Variants in CCNY observed in about 807,000 individuals in gnomAD.
CCNY encodes the protein cyclin-Y.
Under a neutral mutation model 42.8 loss-of-function variants are expected in CCNY, and 19 were observed. The ratio of observed to expected loss-of-function variants is 0.44; its 90% CI spans 0.31 to 0.65. The LOEUF (loss-of-function observed/expected upper bound fraction) is 0.65, where lower values mean the gene tolerates loss of function less well. Among genes scored for constraint, CCNY ranks in the 30% least tolerant of loss-of-function variants. The probability of loss-of-function intolerance (pLI) is 0.07; values close to 1 mark genes in which losing one functional copy is unlikely to be tolerated. For synonymous variants in CCNY, 165 were observed against 162.7 expected (o/e 1.01, Z -0.11); for missense variants, 370 against 437.3 (o/e 0.85, Z 1.37).
At chr10:35,423,383 G>A (rs369683497) in intron 1 of CCNY, among the ~76,000 whole-genome samples, 4 of 151,816 alleles carry the variant, frequency 2.6e-5, no homozygotes, top group South Asian at 4.2e-4. Context: ...GCTGAGGTCC[G>A]CGGATTACCT....
intron 1 of CCNY, among the ~76,000 whole-genome samples, chr10:35,410,375 G>T (rs1023441134): frequency 7.9e-5 from 12 of 152,104 alleles, no homozygotes; most frequent in Admixed American, 2.6e-4. Context: ...GATAAGGAGA[G>T]AAATTTCTAA....
chr10:35,533,982 C>T (rs139967548), intron 7 of CCNY, among the ~76,000 whole-genome samples: 1 of 152,100 alleles, frequency 6.6e-6, no homozygotes, highest in African/African-American at 2.4e-5. Context: ...TCCCCTGCCC[C>T]AGTAGTTTTA....
At chr10:35,369,107 A>C (rs1836873878) in intron 1 of CCNY, among the ~76,000 whole-genome samples, 2 of 152,206 alleles carry the variant, frequency 1.3e-5, no homozygotes, top group African/African-American at 4.8e-5. Context: ...CAAACATTCA[A>C]AAAGCAGTCT....
chr10:35,422,531 G>A (rs1323465805), intron 1 of CCNY, among the ~76,000 whole-genome samples: 1 of 152,164 alleles, frequency 6.6e-6, no homozygotes, highest in African/African-American at 2.4e-5. Context: ...ACACATAAAG[G>A]CAATCAGAAA....
intron 3 of CCNY, among the ~76,000 whole-genome samples, chr10:35,330,988 G>A (rs1344581802): frequency 1.3e-5 from 2 of 152,168 alleles, no homozygotes; most frequent in Non-Finnish European, 2.9e-5. Context: ...TTGAACTCTC[G>A]ACCTCAGGTG....
At chr10:35,510,414 G>T (rs1385456407) in intron 3 of CCNY, among the ~76,000 whole-genome samples, 1 of 152,114 alleles carries the variant, frequency 6.6e-6, no homozygotes, top group African/African-American at 2.4e-5. Context: ...ATGAGGTCTT[G>T]CTGTATGGCT....
At chr10:35,253,256 G>A (rs916528582) in intron 3 of CCNY, among the ~76,000 whole-genome samples, 12 of 151,842 alleles carry the variant, frequency 7.9e-5, no homozygotes, top group African/African-American at 2.9e-4. Context: ...TCTTCTCCAC[G>A]TAATTTTTTT....
chr10:35,251,169 G>A (rs1423557468), intron 3 of CCNY: 2 of 152,154 alleles, frequency 1.3e-5, no homozygotes, highest in African/African-American at 4.8e-5. Flanking sequence ...GGTGGAGGCA[G>A]GAGGGTTGCT....
intron 1 of CCNY, 69 bp downstream of exon 1, chr10:35,337,276 C>A (rs1300932729): frequency 2.9e-6 from 4 of 1,372,596 alleles, no homozygotes; most frequent in Non-Finnish European, 3.8e-6. Flanking sequence ...GTCGGGGCGG[C>A]CCGGCTGCTC....
intron 1 of CCNY, among the ~76,000 whole-genome samples, chr10:35,446,047 C>A (rs1386101799): frequency 1.3e-5 from 2 of 152,180 alleles, no homozygotes; most frequent in Non-Finnish European, 2.9e-5. Flanking sequence ...AGTACTCTGC[C>A]TGCCTCCTTA....
intron 1 of CCNY, among the ~76,000 whole-genome samples, chr10:35,366,825 A>T (rs576186459): frequency 1.3e-5 from 2 of 152,288 alleles, no homozygotes; most frequent in South Asian, 2.1e-4. Flanking sequence ...GTGACTGAAG[A>T]ACTGAATTTT....
chr10:35,382,387 G>C (rs917555214), intron 1 of CCNY, among the ~76,000 whole-genome samples: 6 of 152,238 alleles, frequency 3.9e-5, no homozygotes, highest in Non-Finnish European at 8.8e-5. Context: ...AAGGGGGCTT[G>C]ATGCCTTCTC....
intron 3 of CCNY, among the ~76,000 whole-genome samples, chr10:35,266,952 G>GAT: frequency 6.6e-6 from 1 of 151,876 alleles, no homozygotes. Context: ...TGTGGTGGCA[G>GAT]GCACATGTAA....
In CCNY at chr10:35,436,579, T is replaced by C. The variant is rs908388415; in HGVS notation, c.155-46825T>C. On this transcript the variant is annotated intron_variant, in intron 1 of 9. Coordinates refer to ENST00000374704, the MANE Select transcript of CCNY (RefSeq NM_145012.6). ...GTGGATCTCTGACTTGTGGCAGAGC[T>C]TCGTGGAAGGACACTGGAGGCACAG... Among the ~76,000 whole-genome samples the C allele has an allele frequency of 2.0e-5, 3 of 152,156 alleles. No individual in the cohort carries two copies. In the East Asian group the frequency reaches 5.8e-4, roughly 29 times the overall value.
intron 3 of CCNY, among the ~76,000 whole-genome samples, chr10:35,286,362 CTT>C (rs546422909): frequency 7.1e-5 from 10 of 141,726 alleles, no homozygotes; most frequent in East Asian, 2.0e-4. Flanking sequence ...TTTTACCATA[CTT>C]TTTTTTTTTT....
intron 1 of CCNY, among the ~76,000 whole-genome samples, chr10:35,481,951 C>T (rs1839678980): frequency 6.6e-6 from 1 of 152,166 alleles, no homozygotes; most frequent in East Asian, 1.9e-4. Flanking sequence ...CCCTTAATAG[C>T]TTTGACTCTG....
At chr10:35,516,450 G>T in intron 3 of CCNY, 73 bp from the exon 4 acceptor site, 1 of 974,526 alleles carries the variant, frequency 1.0e-6, no homozygotes. Flanking sequence ...CTCAAGTTAA[G>T]CGGGGGTGAT....
At chr10:35,279,608 G>T (rs913414997) in intron 3 of CCNY, among the ~76,000 whole-genome samples, 3 of 152,184 alleles carry the variant, frequency 2.0e-5, no homozygotes, top group African/African-American at 7.2e-5. Context: ...ATAAGAAGAG[G>T]CATCTGAGGA....
intron 3 of CCNY, among the ~76,000 whole-genome samples, chr10:35,287,306 G>A (rs931405015): frequency 6.6e-6 from 1 of 152,054 alleles, no homozygotes; most frequent in African/African-American, 2.4e-5. Flanking sequence ...TTCTTTAAAT[G>A]TTATACACAC....
Sources: gnomAD v4.1 joint callset for allele counts (sites outside exome capture counted in the v4.1 genomes callset) on GRCh38, gnomAD v4.1.1 for gene constraint, MANE v1.5 for transcripts, NCBI Gene and HGNC (gene_info 2026-07-23, HGNC 2026-07-21) for gene names.